The following NKAIN3 variants were observed in gnomAD, a reference collection of about 807,000 sequenced individuals.
NKAIN3 encodes sodium/potassium transporting ATPase interacting 3, also known as sodium/potassium-transporting ATPase subunit beta-1-interacting protein 3.
Under a neutral mutation model 30.2 loss-of-function variants are expected in NKAIN3, and 25 were observed. The ratio of observed to expected loss-of-function variants is 0.83; its 90% CI spans 0.60 to 1.16. The LOEUF (loss-of-function observed/expected upper bound fraction) is 1.16. Ranked by LOEUF, NKAIN3 falls within the 50% of genes most tolerant of loss-of-function variation. NKAIN3 has a pLI of 0.00. For synonymous variants in NKAIN3, 91 were observed against 89.6 expected (o/e 1.02, Z -0.09); for missense variants, 225 against 254.1 (o/e 0.89, Z 0.78).
intron 3 of NKAIN3, among the ~76,000 whole-genome samples, chr8:62,664,710 T>C (rs556376807): frequency 3.3e-5 from 5 of 152,284 alleles, no homozygotes; most frequent in Non-Finnish European, 7.4e-5. Context: ...GAGATTGTAA[T>C]GCCGGAAGGA....
chr8:62,764,327 C>G (rs1167123550), intron 4 of NKAIN3, among the ~76,000 whole-genome samples: 1 of 152,090 alleles, frequency 6.6e-6, no homozygotes, highest in Non-Finnish European at 1.5e-5. Flanking sequence ...GAAACTGGGA[C>G]ATAAAGAAAA....
intron 1 of NKAIN3, among the ~76,000 whole-genome samples, chr8:62,512,106 C>T (rs957300137): frequency 6.6e-6 from 1 of 152,012 alleles, no homozygotes; most frequent in East Asian, 1.9e-4. Flanking sequence ...TCTTTTATAC[C>T]ATGAAATTCT....
In NKAIN3 at chr8:62,973,617, C is replaced by A. The variant is rs546548895; in HGVS notation, c.*8210C>A. ...AATTTTCTCCCATTCTGTAGGTTGC[C>A]TGTTCACTCTGATAATAGTTTCTTT... is the stretch of plus-strand genomic sequence containing the variant. On this transcript the variant is annotated 3_prime_UTR_variant, in exon 7 of 7. Transcript: ENST00000623646. Among the ~76,000 whole-genome samples, 61 of 152,220 alleles carry A rather than the reference C, an allele frequency of 4.0e-4. No homozygotes were observed. In the South Asian group the frequency reaches 0.012, roughly 29 times the overall value.
rs996031889 is a variant in NKAIN3 at position 62,982,304 on chromosome 8, C to T, written c.*16897C>T. On this transcript the variant is annotated 3_prime_UTR_variant, in exon 7 of 7. Transcript: ENST00000623646. ...TACTTAAATAAGATCTTATTTTCAT[C>T]TGCTGGAAAACTTTTTCTGATAACC... 2.0e-5 allele frequency: 3 copies of T among 152,122 alleles called. No individual in the cohort carries two copies. The highest frequency in any genetic ancestry group is 4.8e-5 in the African/African-American group (2 of 41,402). The allele number at this position is 152,122 out of a possible 1,614,324, so 9.4% of individuals were successfully genotyped here. A position where few individuals can be genotyped will look rare whatever the true frequency, so the allele number is the denominator to read the frequency against.
intron 1 of NKAIN3, among the ~76,000 whole-genome samples, chr8:62,402,203 C>A (rs959487894): frequency 1.3e-5 from 2 of 152,210 alleles, no homozygotes; most frequent in African/African-American, 4.8e-5. Flanking sequence ...GTCACCACCA[C>A]CCAAGCCTGT....
chr8:62,694,134 T>C (rs887214814), intron 3 of NKAIN3, among the ~76,000 whole-genome samples: 1 of 152,176 alleles, frequency 6.6e-6, no homozygotes, highest in Non-Finnish European at 1.5e-5. Flanking sequence ...TAAATTATTG[T>C]TCACTATAGT....
chr8:62,893,644 A>ATGTGTGTGTG (rs71559382), intron 4 of NKAIN3, among the ~76,000 whole-genome samples: 9 of 151,312 alleles, frequency 5.9e-5, no homozygotes, highest in South Asian at 2.1e-4. Context: ...TACTCCTTGA[A>ATGTGTGTGTG]TGTGTGTGTG....
chr8:62,656,750 G>C (rs1763955691), intron 3 of NKAIN3, among the ~76,000 whole-genome samples: 1 of 152,102 alleles, frequency 6.6e-6, no homozygotes, highest in South Asian at 2.1e-4. Flanking sequence ...GAGTTCTCAG[G>C]CTTCCTATAA....
intron 5 of NKAIN3, among the ~76,000 whole-genome samples, chr8:62,941,454 A>C (rs1822951278): frequency 1.3e-5 from 2 of 152,042 alleles, no homozygotes; most frequent in Admixed American, 6.6e-5. Context: ...CAACAATAAC[A>C]ACAACAAAAA....
chr8:62,870,685 ATCTC>A (rs1204933071), intron 4 of NKAIN3, among the ~76,000 whole-genome samples: 3 of 131,062 alleles, frequency 2.3e-5, no homozygotes, highest in East Asian at 2.0e-4. Context: ...ATATATCTAT[ATCTC>A]TCTATCTATA....
chr8:62,923,467 G>T (rs927264651), intron 5 of NKAIN3, among the ~76,000 whole-genome samples: 1 of 152,210 alleles, frequency 6.6e-6, no homozygotes, highest in Non-Finnish European at 1.5e-5. Context: ...AGAATTTAGT[G>T]AGATGTCCGA....
intron 4 of NKAIN3, among the ~76,000 whole-genome samples, chr8:62,859,125 C>T (rs182102453): frequency 2.6e-4 from 40 of 152,278 alleles, no homozygotes; most frequent in African/African-American, 8.7e-4. Flanking sequence ...GTGGGAGAAG[C>T]GTGGTTTCCC....
At chr8:62,508,350 C>T (rs2129720925) in intron 1 of NKAIN3, among the ~76,000 whole-genome samples, 1 of 152,200 alleles carries the variant, frequency 6.6e-6, no homozygotes, top group East Asian at 1.9e-4. Context: ...CCATTCTTGC[C>T]CCTCCCCCTC....
chr8:62,308,199 A>G (rs1268730918), intron 1 of NKAIN3, among the ~76,000 whole-genome samples: 1 of 150,380 alleles, frequency 6.6e-6, no homozygotes, highest in Non-Finnish European at 1.5e-5. Context: ...CTTGAGGATA[A>G]CTCTGTGTTG....
At chr8:62,942,179 T>C (rs1186984516) in intron 5 of NKAIN3, among the ~76,000 whole-genome samples, 2 of 145,708 alleles carry the variant, frequency 1.4e-5, no homozygotes, top group Non-Finnish European at 3.0e-5. Flanking sequence ...AATATATATA[T>C]ATATATACAC....
At chr8:62,452,556 C>G (rs1238787091) in intron 1 of NKAIN3, among the ~76,000 whole-genome samples, 2 of 152,114 alleles carry the variant, frequency 1.3e-5, no homozygotes, top group African/African-American at 2.4e-5. Context: ...GAGCAAAAGT[C>G]ATTTCCAATG....
chr8:62,863,488 C>T, intron 4 of NKAIN3: 1 of 1,544,906 alleles, frequency 6.5e-7, no homozygotes, highest in Non-Finnish European at 8.8e-7. Context: ...ACTCTTCAGA[C>T]AACGTACTGG....
chr8:62,574,848 T>A (rs1353762259), intron 1 of NKAIN3, among the ~76,000 whole-genome samples: 1 of 152,034 alleles, frequency 6.6e-6, no homozygotes, highest in African/African-American at 2.4e-5. Context: ...ATGTCTTCTT[T>A]CAAGAAGTAA....
chr8:62,460,210 G>A (rs1318828404), intron 1 of NKAIN3, among the ~76,000 whole-genome samples: 2 of 151,890 alleles, frequency 1.3e-5, no homozygotes, highest in East Asian at 1.9e-4. Context: ...TCAGGAGTTC[G>A]AGACCAGCCT....
Sources: allele counts gnomAD v4.1 joint callset (sites outside exome capture counted in the v4.1 genomes callset), GRCh38; gene constraint gnomAD v4.1.1; transcripts MANE v1.5; gene names NCBI Gene and HGNC (gene_info 2026-07-23, HGNC 2026-07-21).